The following GALNT2 variants were observed in gnomAD, a reference collection of about 807,000 sequenced individuals.
GALNT2 encodes polypeptide N-acetylgalactosaminyltransferase 2, also known as UDP-GalNAc:polypeptide N-acetylgalactosaminyltransferase 2.
GALNT2 carries 31 observed loss-of-function variants against 81.4 expected under a neutral mutation model. The ratio of observed to expected loss-of-function variants is 0.38; its 90% CI spans 0.29 to 0.51. The LOEUF (loss-of-function observed/expected upper bound fraction) is 0.51, where lower values mean the gene tolerates loss of function less well. Ranked by LOEUF, GALNT2 falls within the 20% of genes least tolerant of loss-of-function variation. The pLI is 0.87. For synonymous variants in GALNT2, 303 were observed against 287.4 expected (o/e 1.05, Z -0.55); for missense variants, 629 against 765.7 (o/e 0.82, Z 2.11).
chr1:230,079,361 A>G (rs1297224891), intron 1 of GALNT2, among the ~76,000 whole-genome samples: 1 of 152,278 alleles, frequency 6.6e-6, no homozygotes, highest in Non-Finnish European at 1.5e-5. Flanking sequence ...GCCTGGGAGA[A>G]TGAACAGCTG....
At chr1:230,233,904 G>A (rs1348854257) in intron 3 of GALNT2, among the ~76,000 whole-genome samples, 3 of 152,066 alleles carry the variant, frequency 2.0e-5, no homozygotes, top group Non-Finnish European at 4.4e-5. Context: ...TGATGTTTAG[G>A]GGAGATGATT....
upstream of GALNT2, chr1:230,057,919 G>A: frequency 2.4e-6 from 1 of 416,392 alleles, no homozygotes; most frequent in Non-Finnish European, 4.9e-6. Context: ...TTAGGTAAGT[G>A]TCGTCCGGGG....
At chr1:230,178,093 T>A in intron 1 of GALNT2, 125 bp from the exon 2 acceptor site, 2 of 636,208 alleles carry the variant, frequency 3.1e-6, no homozygotes, top group South Asian at 2.3e-5. Context: ...GTGCCCTCCC[T>A]CCTGCTCATC....
Position 230,245,923 on chromosome 1 carries a change from G to C in GALNT2, c.730-140G>C, listed in dbSNP as rs1010939385. 3 of 686,882 alleles carry C rather than the reference G, an allele frequency of 4.4e-6. No homozygotes were observed. The African/African-American group carries it at 5.3e-5, about 12-fold the overall frequency. 42.5% of individuals were successfully genotyped at this position (686,882 alleles called of 1,614,324 possible). On this transcript the variant is annotated intron_variant, in intron 7 of 15. Coordinates refer to ENST00000366672, the MANE Select transcript of GALNT2 (RefSeq NM_004481.5). ...TTCTGGGTCTGGGTGGGGAGGCTGG[G>C]TTCTTGAGGGCCTAGGGTAGTAGGT...
chr1:230,124,430 C>T (rs987961292), intron 1 of GALNT2, among the ~76,000 whole-genome samples: 2 of 151,990 alleles, frequency 1.3e-5, no homozygotes, highest in African/African-American at 2.4e-5. Context: ...TCACCAGTGG[C>T]GTGTTAATGT....
chr1:230,141,256 G>A lies in GALNT2; in HGVS notation c.127-36962G>A, dbSNP rs78131940. 8.9e-3 allele frequency among the ~76,000 whole-genome samples: 1,358 copies of A among 152,288 alleles called. 21 individuals carry two copies. Among genetic ancestry groups the A allele is most frequent in the African/African-American group, 0.031 (1,302 of 41,548 alleles). On this transcript the variant is annotated intron_variant, in intron 1 of 15. Transcript: ENST00000366672. ...TCTTAACACTGCGCAGAAGGGACTCGTACAGGCTCTGGCTCCAGACCCGGG... is the reference window on the plus strand; with the variant it reads ...TCTTAACACTGCGCAGAAGGGACTCATACAGGCTCTGGCTCCAGACCCGGG...
At chr1:230,274,937 G>C (rs1157016154) in intron 15 of GALNT2, among the ~76,000 whole-genome samples, 1 of 150,494 alleles carries the variant, frequency 6.6e-6, no homozygotes, top group Non-Finnish European at 1.5e-5. Context: ...GTATATATGT[G>C]AGCATATATA....
intron 1 of GALNT2, among the ~76,000 whole-genome samples, chr1:230,143,693 T>C (rs1260508181): frequency 3.3e-5 from 5 of 152,260 alleles, no homozygotes; most frequent in African/African-American, 1.2e-4. Flanking sequence ...CATTGAGTTC[T>C]TCCAGGCCTC....
At chr1:230,186,115 A>G (rs879718754) in intron 2 of GALNT2, among the ~76,000 whole-genome samples, 1 of 152,186 alleles carries the variant, frequency 6.6e-6, no homozygotes, top group Non-Finnish European at 1.5e-5. Context: ...TTACATGCCT[A>G]TTGGGAACTG....
chr1:230,064,274 C>T (rs1038624771), upstream of GALNT2, among the ~76,000 whole-genome samples: 4 of 152,128 alleles, frequency 2.6e-5, no homozygotes, highest in Non-Finnish European at 4.4e-5. Flanking sequence ...TTTAGTTGCA[C>T]CTGTTCTAAG....
chr1:230,064,745 C>T (rs998519179), upstream of GALNT2, among the ~76,000 whole-genome samples: 5 of 152,306 alleles, frequency 3.3e-5, no homozygotes, highest in Non-Finnish European at 4.4e-5. Context: ...CTCCTGACCT[C>T]AGGTGATCCA....
At chr1:230,062,001 A>T (rs55783932) in intron 1 of GALNT2, among the ~76,000 whole-genome samples, 3,679 of 152,272 alleles carry the variant, frequency 0.024, 153 homozygotes, top group African/African-American at 0.081. Context: ...AATATCCTGG[A>T]TATTACGCTA....
At chr1:230,270,209 A>G (rs1666132439) in intron 14 of GALNT2, among the ~76,000 whole-genome samples, 1 of 152,186 alleles carries the variant, frequency 6.6e-6, no homozygotes, top group Non-Finnish European at 1.5e-5. Flanking sequence ...TCAAAAAAAT[A>G]AATAAAAATT....
chr1:230,141,001 C>T (rs770054630), intron 1 of GALNT2, among the ~76,000 whole-genome samples: 11 of 152,156 alleles, frequency 7.2e-5, no homozygotes, highest in Non-Finnish European at 8.8e-5. Context: ...TTCCAGCATT[C>T]GTTGCAAATG....
At chr1:230,101,983 C>T (rs1660416194) in intron 1 of GALNT2, among the ~76,000 whole-genome samples, 1 of 152,224 alleles carries the variant, frequency 6.6e-6, no homozygotes, top group East Asian at 1.9e-4. Flanking sequence ...AAAATTAGCT[C>T]TCCTCTTTGT....
rs1471320958 is a variant in GALNT2 at position 230,280,182 on chromosome 1, G to A, written c.*724G>A. The A allele has an allele frequency of 5.5e-6, 2 of 361,410 alleles. No homozygotes were observed. The highest frequency in any genetic ancestry group is 2.1e-5 in the African/African-American group (1 of 46,988). 22.4% of individuals were successfully genotyped at this position (361,410 alleles called of 1,614,324 possible). On this transcript the variant is annotated 3_prime_UTR_variant, in exon 16 of 16. Transcript: ENST00000366672. ...GGGAGAAGGGGCCAGAGCCCGGTGG[G>A]GCCAGTTTCTCACAGAGGGAGGAGG...
intron 1 of GALNT2, among the ~76,000 whole-genome samples, chr1:230,085,099 T>G (rs1308173837): frequency 3.3e-5 from 5 of 152,164 alleles, no homozygotes; most frequent in Admixed American, 6.5e-5. Flanking sequence ...AATGATCAGT[T>G]GTTTGTAAGC....
rs532207326 is a variant in GALNT2 at position 230,187,586 on chromosome 1, G to A, written c.220+9275G>A. ...TTTGCTGTCCACAGATGACTTAAGT[G>A]TTAGCTCAGTGCAAGGTCAGTGTGA... On this transcript the variant is annotated intron_variant, in intron 2 of 15. Transcript: ENST00000366672. 3.9e-5 allele frequency among the ~76,000 whole-genome samples: 6 copies of A among 152,344 alleles called. No homozygotes were observed. In the South Asian group the frequency reaches 1.2e-3, roughly 32 times the overall value.
intron 3 of GALNT2, among the ~76,000 whole-genome samples, chr1:230,230,090 T>C (rs541173015): frequency 6.6e-6 from 1 of 152,372 alleles, no homozygotes; most frequent in African/African-American, 2.4e-5. Flanking sequence ...CTAAACTTTA[T>C]GCGTGAAATA....
Sources: gnomAD v4.1 joint callset for allele counts (sites outside exome capture counted in the v4.1 genomes callset) on GRCh38, gnomAD v4.1.1 for gene constraint, MANE v1.5 for transcripts, NCBI Gene and HGNC (gene_info 2026-07-23, HGNC 2026-07-21) for gene names.